PMFBP1: variants seen among roughly 807,000 people sequenced by gnomAD.
The protein encoded by PMFBP1 is polyamine-modulated factor 1-binding protein 1.
Under a neutral mutation model 137.8 loss-of-function variants are expected in PMFBP1, and 131 were observed. That is an observed-to-expected ratio of 0.95 (90% confidence interval 0.82 to 1.10). The LOEUF (loss-of-function observed/expected upper bound fraction) is 1.10, where lower values mean the gene tolerates loss of function less well. Ranked by LOEUF, PMFBP1 falls within the 50% of genes least tolerant of loss-of-function variation. PMFBP1 has a pLI of 0.00. For missense variants in PMFBP1, 1,199 were observed against 1,175.4 expected, an observed-to-expected ratio of 1.02 and a Z score of -0.29; for synonymous variants, 490 against 450.4, an observed-to-expected ratio of 1.09 and a Z score of -1.11.
At chr16:72,213,997 T>C in the PMFBP1 span, among the ~76,000 whole-genome samples, 1 of 152,174 alleles carries the variant, frequency 6.6e-6, no homozygotes, top group Non-Finnish European at 1.5e-5. Context: ...GAGATAACTA[T>C]GTTCTCATTT....
intron 5 of PMFBP1, among the ~76,000 whole-genome samples, chr16:72,148,286 C>T (rs945187326): frequency 2.7e-5 from 4 of 150,046 alleles, no homozygotes; most frequent in Non-Finnish European, 2.9e-5. Flanking sequence ...AACCAAACAC[C>T]GCATGTTCTC....
At chr16:72,231,199 A>C in the PMFBP1 span, among the ~76,000 whole-genome samples, 10 of 152,156 alleles carry the variant, frequency 6.6e-5, no homozygotes, top group Non-Finnish European at 1.2e-4. Flanking sequence ...GGTCTTTGTG[A>C]ACGTGGCAGG....
intron 7 of PMFBP1, among the ~76,000 whole-genome samples, chr16:72,138,780 T>C (rs1291697099): frequency 1.3e-5 from 2 of 152,026 alleles, no homozygotes; most frequent in African/African-American, 4.8e-5. Context: ...CCTCCCAAAG[T>C]TCTGGGGTTA....
At chr16:72,202,822 C>G in the PMFBP1 span, among the ~76,000 whole-genome samples, 1 of 152,202 alleles carries the variant, frequency 6.6e-6, no homozygotes, top group Non-Finnish European at 1.5e-5. Flanking sequence ...ACAATCAAAG[C>G]CTACTAACAT....
At chr16:72,235,857 G>A in the PMFBP1 span, among the ~76,000 whole-genome samples, 3 of 152,188 alleles carry the variant, frequency 2.0e-5, no homozygotes, top group South Asian at 4.1e-4. Context: ...CAACACTGCT[G>A]AACTTGTTCA....
intron 5 of PMFBP1, among the ~76,000 whole-genome samples, chr16:72,146,543 G>C (rs2042809403): frequency 6.6e-6 from 1 of 152,170 alleles, no homozygotes; most frequent in Non-Finnish European, 1.5e-5. Flanking sequence ...GCAAGAGAAA[G>C]AAATAAAGGG....
the PMFBP1 span, among the ~76,000 whole-genome samples, chr16:72,241,509 A>G: frequency 2.6e-5 from 4 of 152,190 alleles, no homozygotes; most frequent in Non-Finnish European, 5.9e-5. Context: ...ACTGACTGCC[A>G]TATATTTGAA....
chr16:72,161,745 C>G (rs980925156), intron 3 of PMFBP1, among the ~76,000 whole-genome samples: 5 of 152,018 alleles, frequency 3.3e-5, no homozygotes, highest in African/African-American at 9.7e-5. Flanking sequence ...TTGGATTTCA[C>G]CAGTTTTTCC....
At position 72,165,898 on chromosome 16, in the gene PMFBP1, G is replaced by A. The variant is rs1010124784; in HGVS notation, c.13-982C>T. Among the ~76,000 whole-genome samples, 7 of 152,146 alleles carry A rather than the reference G, an allele frequency of 4.6e-5. No homozygotes were observed. The South Asian group carries it at 1.0e-3, about 23-fold the overall frequency. Reference sequence around the variant, plus strand: ...TGTGTGGGGCATAGTAACTTGGGTGGGGGTGCAGGTGCAGAGCTGTTGTAG... The same window carrying A: ...TGTGTGGGGCATAGTAACTTGGGTGAGGGTGCAGGTGCAGAGCTGTTGTAG... On this transcript the variant is annotated intron_variant, in intron 2 of 20. Coordinates refer to ENST00000237353, the MANE Select transcript of PMFBP1 (RefSeq NM_031293.3).
intron 17 of PMFBP1, 92 bp downstream of exon 17, chr16:72,124,675 C>T: frequency 1.0e-5 from 15 of 1,477,986 alleles, no homozygotes; most frequent in Non-Finnish European, 1.4e-5. Flanking sequence ...CAGGCTCTCC[C>T]ACCCCCACCA....
rs201060440 is a variant in PMFBP1, at chr16:72,120,042, A to G, written c.2816T>C (p.Leu939Pro). The G allele has an allele frequency of 1.9e-6, 3 of 1,613,960 alleles. No individual in the cohort carries two copies. The African/African-American group carries it at 4.0e-5, about 22-fold the overall frequency. ...MVHLQQENKK[L>P]KKEIEEKKMK... ...CTTCTTCTCTTCTATCTCCTTCTTCAGCTTCTTGTTTTCCTGCTGCAAGTG... is the reference window on the plus strand; with the variant it reads ...CTTCTTCTCTTCTATCTCCTTCTTCGGCTTCTTGTTTTCCTGCTGCAAGTG... Residue 939 changes from leucine (L) to proline (P), a missense_variant, in exon 20 of 21, where the codon CTG becomes CCG. Transcript: ENST00000237353.
At chr16:72,147,955 C>T (rs1490557534) in intron 5 of PMFBP1, among the ~76,000 whole-genome samples, 2 of 152,142 alleles carry the variant, frequency 1.3e-5, no homozygotes, top group Non-Finnish European at 2.9e-5. Flanking sequence ...TTGTGGAAGA[C>T]AGGGTGGTGA....
At chr16:72,210,576 C>T in the PMFBP1 span, among the ~76,000 whole-genome samples, 9 of 151,310 alleles carry the variant, frequency 5.9e-5, no homozygotes, top group Admixed American at 5.9e-4. Flanking sequence ...GCAAGGAACC[C>T]CCTCCTGCTT....
chr16:72,247,276 T>A, the PMFBP1 span, among the ~76,000 whole-genome samples: 1 of 152,248 alleles, frequency 6.6e-6, no homozygotes, highest in African/African-American at 2.4e-5. Context: ...TTTGGTCATT[T>A]TCATCTGGAG....
the PMFBP1 span, among the ~76,000 whole-genome samples, chr16:72,207,748 T>C: frequency 8.9e-6 from 1 of 111,802 alleles, no homozygotes; most frequent in Non-Finnish European, 1.8e-5. Context: ...GTGTGCATAT[T>C]GATATACACA....
rs2042539981 is a variant in PMFBP1, at chr16:72,130,851, C to G, written c.1448-129G>C. On this transcript the variant is annotated intron_variant, in intron 10 of 20. Coordinates refer to ENST00000237353, the MANE Select transcript of PMFBP1 (RefSeq NM_031293.3). ...CAGTTCCCAGTCTGTCCTCATTTCT[C>G]TCCATTTCATGATCAGTCCTAAAGA... 4.9e-6 allele frequency: 4 copies of G among 815,776 alleles called. No individual in the cohort carries two copies. The Admixed American group carries it at 8.7e-5, about 18-fold the overall frequency. The allele number at this position is 815,776 out of a possible 1,614,324, so 50.5% of individuals were successfully genotyped here.
downstream of PMFBP1, among the ~76,000 whole-genome samples, chr16:72,117,248 AT>A (rs35769636): frequency 0.4 from 59,783 of 151,336 alleles, 12,561 homozygotes; most frequent in African/African-American, 0.55. Context: ...GTATTTGTTT[AT>A]TTTTTTTGCT....
At chr16:72,145,563 A>G (rs1452457904) in intron 5 of PMFBP1, among the ~76,000 whole-genome samples, 2 of 152,214 alleles carry the variant, frequency 1.3e-5, no homozygotes, top group Admixed American at 1.3e-4. Flanking sequence ...GACACAAAAA[A>G]ACCTTCAAAA....
At chr16:72,185,394 T>C in the PMFBP1 span, among the ~76,000 whole-genome samples, 1 of 152,058 alleles carries the variant, frequency 6.6e-6, no homozygotes, top group Admixed American at 6.6e-5. Flanking sequence ...CTGAACTATG[T>C]TCAGTTTCTT....
Sources: allele counts gnomAD v4.1 joint callset (sites outside exome capture counted in the v4.1 genomes callset), GRCh38; gene constraint gnomAD v4.1.1; transcripts MANE v1.5; gene names NCBI Gene and HGNC (gene_info 2026-07-23, HGNC 2026-07-21).